Variants in PLCB1 observed in about 807,000 individuals in gnomAD.
The protein encoded by PLCB1 is phospholipase C beta 1.
In PLCB1, 46 loss-of-function variants were observed where a neutral mutation model predicts 161.8. That is an observed-to-expected ratio of 0.28 (90% CI 0.22 to 0.36). PLCB1 has a LOEUF of 0.36. PLCB1 is among the 10% of genes least tolerant of loss of function. The probability of loss-of-function intolerance (pLI) is 1.00; values close to 1 mark genes in which losing one functional copy is unlikely to be tolerated. For missense variants in PLCB1, 1,016 were observed against 1,472.5 expected (o/e 0.69, Z 5.07); for synonymous variants, 517 against 503.7 (o/e 1.03, Z -0.35).
chr20:8,678,150 A>G (rs137942793), intron 9 of PLCB1, among the ~76,000 whole-genome samples: 14 of 152,336 alleles, frequency 9.2e-5, no homozygotes, highest in African/African-American at 2.9e-4. Context: ...ATAAAACAAG[A>G]TAATTAACTA....
rs150899182 is a variant in PLCB1 at position 8,757,311 on chromosome 20, G to A, written c.2656+133G>A. ...GATGTGTGGACTTAGGAGGAGCTCCGTCAATGTGCAATTAATGAATGAAAG... is the reference window on the plus strand; with the variant it reads ...GATGTGTGGACTTAGGAGGAGCTCCATCAATGTGCAATTAATGAATGAAAG... On this transcript the variant is annotated intron_variant, in intron 24 of 31. Transcript: ENST00000338037. 4.0e-4 allele frequency: 332 copies of A among 833,802 alleles called. 2 individuals carry two copies. In the African/African-American group the frequency reaches 4.6e-3, roughly 12 times the overall value. 51.7% of individuals were successfully genotyped at this position (833,802 alleles called of 1,614,324 possible).
intron 3 of PLCB1, among the ~76,000 whole-genome samples, chr20:8,384,812 G>A (rs58103615): frequency 0.02 from 3,109 of 152,220 alleles, 78 homozygotes; most frequent in African/African-American, 0.06. Context: ...TTTGCTGGGG[G>A]TTCACTTCAG....
chr20:8,658,256 T>A (rs950067892), intron 8 of PLCB1, among the ~76,000 whole-genome samples: 2 of 152,164 alleles, frequency 1.3e-5, no homozygotes, highest in African/African-American at 4.8e-5. Context: ...TGGTGCACCC[T>A]TATGCACATG....
chr20:8,225,943 T>G lies in PLCB1; in HGVS notation c.177+75572T>G, dbSNP rs1043395606. ...CTTGCAGTCTTTTCACGTTTAAAAC[T>G]TTTTCAGCCTTAAGTTTCTGCCTTC... On this transcript the variant is annotated intron_variant, in intron 2 of 31. Coordinates refer to ENST00000338037, the MANE Select transcript of PLCB1 (RefSeq NM_015192.4). Among the ~76,000 whole-genome samples, 3 of 152,238 alleles carry G rather than the reference T, an allele frequency of 2.0e-5. No individual in the cohort carries two copies. The East Asian group carries it at 5.8e-4, about 29-fold the overall frequency.
chr20:8,140,988 G>A (rs1568567419), intron 1 of PLCB1, among the ~76,000 whole-genome samples: 1 of 136,494 alleles, frequency 7.3e-6, no homozygotes, highest in East Asian at 2.1e-4. Flanking sequence ...AGTAGAGATA[G>A]GGTTTCTCCA....
intron 3 of PLCB1, among the ~76,000 whole-genome samples, chr20:8,610,774 A>G (rs967639451): frequency 7.2e-5 from 11 of 152,106 alleles, no homozygotes; most frequent in African/African-American, 2.7e-4. Context: ...GTAAGAAACC[A>G]TTGCCTAACC....
intron 12 of PLCB1, chr20:8,715,923 G>C (rs1326915368): frequency 4.2e-6 from 1 of 236,048 alleles, no homozygotes; most frequent in Non-Finnish European, 8.2e-6. Context: ...CAAGTGTCTT[G>C]CAATTGACTT....
chr20:8,759,261 C>T (rs6086582), intron 24 of PLCB1, among the ~76,000 whole-genome samples: 48,936 of 151,948 alleles, frequency 0.32, 8,516 homozygotes, highest in East Asian at 0.5. Context: ...CATCACATCA[C>T]GGATATATGA....
chr20:8,492,635 G>C (rs1982992445), intron 3 of PLCB1, among the ~76,000 whole-genome samples: 1 of 152,026 alleles, frequency 6.6e-6, no homozygotes, highest in African/African-American at 2.4e-5. Context: ...GGTGGGGTTG[G>C]GGCTGGTGGA....
chr20:8,670,519 G>T (rs1029690236), intron 9 of PLCB1, among the ~76,000 whole-genome samples: 2 of 152,148 alleles, frequency 1.3e-5, no homozygotes, highest in African/African-American at 4.8e-5. Context: ...CCATATCTTG[G>T]AGCTGTATTT....
At chr20:8,222,369 A>G (rs1979456504) in intron 2 of PLCB1, among the ~76,000 whole-genome samples, 1 of 152,136 alleles carries the variant, frequency 6.6e-6, no homozygotes, top group Non-Finnish European at 1.5e-5. Context: ...TAGATATAGA[A>G]TTCTGGGGTA....
At chr20:8,699,290 A>C (rs1360453380) in intron 11 of PLCB1, among the ~76,000 whole-genome samples, 1 of 152,224 alleles carries the variant, frequency 6.6e-6, no homozygotes, top group South Asian at 2.1e-4. Flanking sequence ...AGTGGAGACA[A>C]GGCCATTGAA....
chr20:8,337,670 A>G (rs1381237210), intron 2 of PLCB1, among the ~76,000 whole-genome samples: 1 of 152,176 alleles, frequency 6.6e-6, no homozygotes, highest in Non-Finnish European at 1.5e-5. Flanking sequence ...ACCCTTGCTA[A>G]ACTAGAGGAC....
chr20:8,466,873 C>G (rs1224480046), intron 3 of PLCB1, among the ~76,000 whole-genome samples: 1 of 152,106 alleles, frequency 6.6e-6, no homozygotes, highest in Non-Finnish European at 1.5e-5. Context: ...GCCTCAATAT[C>G]CCCTCTAGGT....
At chr20:8,271,219 A>C (rs192214260) in intron 2 of PLCB1, among the ~76,000 whole-genome samples, 18 of 152,202 alleles carry the variant, frequency 1.2e-4, no homozygotes, top group Non-Finnish European at 2.4e-4. Flanking sequence ...GGACGATTAC[A>C]CTTTGGCTTC....
chr20:8,444,710 GT>G (rs1980735377), intron 3 of PLCB1, among the ~76,000 whole-genome samples: 1 of 152,154 alleles, frequency 6.6e-6, no homozygotes, highest in Non-Finnish European at 1.5e-5. Flanking sequence ...TCCAGTACCT[GT>G]TGTTTCCTGA....
At chr20:8,601,593 A>G (rs546338696) in intron 3 of PLCB1, among the ~76,000 whole-genome samples, 1 of 152,338 alleles carries the variant, frequency 6.6e-6, no homozygotes, top group African/African-American at 2.4e-5. Flanking sequence ...AGCACTTTCT[A>G]TGTGCTAATT....
At chr20:8,705,832 G>A (rs1978639725) in intron 11 of PLCB1, among the ~76,000 whole-genome samples, 2 of 152,228 alleles carry the variant, frequency 1.3e-5, no homozygotes, top group Admixed American at 6.5e-5. Flanking sequence ...GATCAAGTTA[G>A]GCTGTGTAGA....
At chr20:8,156,559 A>G (rs1000156952) in intron 2 of PLCB1, among the ~76,000 whole-genome samples, 11 of 152,334 alleles carry the variant, frequency 7.2e-5, no homozygotes, top group Non-Finnish European at 1.3e-4. Context: ...GGAACATATT[A>G]AGTGAACACT....
Sources: allele counts gnomAD v4.1 joint callset (sites outside exome capture counted in the v4.1 genomes callset), GRCh38; gene constraint gnomAD v4.1.1; transcripts MANE v1.5; gene names NCBI Gene and HGNC (gene_info 2026-07-23, HGNC 2026-07-21).